The following ZFYVE16 variants were observed in gnomAD, a reference collection of about 807,000 sequenced individuals.
ZFYVE16 encodes the protein zinc finger FYVE domain-containing protein 16.
A neutral mutation model predicts 138.1 loss-of-function variants in ZFYVE16; 89 were observed. That is an observed-to-expected ratio of 0.64 (90% confidence interval 0.54 to 0.77). ZFYVE16 has a LOEUF of 0.77. ZFYVE16 is among the 30% of genes least tolerant of loss of function. The probability of loss-of-function intolerance (pLI) is 0.00; values close to 1 mark genes in which losing one functional copy is unlikely to be tolerated. For missense variants in ZFYVE16, 1,793 were observed against 1,786.7 expected, an observed-to-expected ratio of 1.00 and a Z score of -0.06; for synonymous variants, 596 against 618.3, an observed-to-expected ratio of 0.96 and a Z score of 0.53.
chr5:80,425,335 T>C (rs1245228697), intron 1 of ZFYVE16, among the ~76,000 whole-genome samples: 6 of 152,212 alleles, frequency 3.9e-5, no homozygotes, highest in Non-Finnish European at 4.4e-5. Context: ...AAGTATCTCT[T>C]ATTTATTTAT....
chr5:80,470,204 C>G (rs1754229191), intron 15 of ZFYVE16, among the ~76,000 whole-genome samples: 1 of 150,052 alleles, frequency 6.7e-6, no homozygotes, highest in Admixed American at 6.7e-5. Context: ...TGGGTTCACG[C>G]CATTCTCCTG....
intron 14 of ZFYVE16, among the ~76,000 whole-genome samples, chr5:80,458,747 G>A (rs552027505): frequency 1.3e-5 from 2 of 152,242 alleles, no homozygotes; most frequent in South Asian, 4.1e-4. Flanking sequence ...GAATTGGTGT[G>A]TCATAGGATA....
intron 5 of ZFYVE16, 136 bp downstream of exon 5, chr5:80,440,168 C>T: frequency 7.8e-7 from 1 of 1,285,058 alleles, no homozygotes; most frequent in Non-Finnish European, 9.9e-7. Context: ...GGTGGGACAT[C>T]CCAAGGCTTG....
At chr5:80,471,633 G>A (rs560962834) in intron 15 of ZFYVE16, among the ~76,000 whole-genome samples, 1 of 152,284 alleles carries the variant, frequency 6.6e-6, no homozygotes, top group East Asian at 1.9e-4. Context: ...ACTATCTTTT[G>A]TGTGTCTATT....
chr5:80,439,031 T>G (rs1327984974), intron 4 of ZFYVE16, 24 bp downstream of exon 4: 1 of 1,571,374 alleles, frequency 6.4e-7, no homozygotes, highest in Non-Finnish European at 8.6e-7. Context: ...ATCTTTTAAG[T>G]CTTTTGTTCT....
In ZFYVE16 at chr5:80,426,253, T is replaced by C. The variant is rs1194811060; in HGVS notation, c.-93-1239T>C. Among the ~76,000 whole-genome samples, 4 of 52,860 alleles carry C rather than the reference T, an allele frequency of 7.6e-5. No individual in the cohort carries two copies. The Admixed American group carries it at 1.3e-3, about 17-fold the overall frequency. 34.7% of individuals were successfully genotyped at this position (52,860 alleles called of 152,430 possible). A position where few individuals can be genotyped will look rare whatever the true frequency, so the allele number is the denominator to read the frequency against. On this transcript the variant is annotated intron_variant, in intron 1 of 18. Coordinates refer to ENST00000505560, the MANE Select transcript of ZFYVE16 (RefSeq NM_001284236.3). ...GTATGTGTGTGTGTCTGTGTGTGTG[T>C]GTGTGTGTGTGTGTGTGTGTATATA...
Position 80,438,931 on chromosome 5 carries a change from A to G in ZFYVE16, c.2246A>G (p.Glu749Gly). 1 of 1,614,098 alleles carries G rather than the reference A, an allele frequency of 6.2e-7. No individual in the cohort carries two copies. Among genetic ancestry groups the G allele is most frequent in the Non-Finnish European group, 8.5e-7 (1 of 1,179,954 alleles). Residue 749 changes from glutamate to glycine, a missense_variant, in exon 4 of 19, where the codon GAA becomes GGA. Physicochemically the swap from Glu to Gly is moderately conservative, Grantham distance 98. Around this residue, in one of 2 missense-constraint regions of ZFYVE16, gnomAD observed 1,295 missense variants for 1,204.3 expected, o/e 1.08. Coordinates refer to ENST00000505560, the MANE Select transcript of ZFYVE16 (RefSeq NM_001284236.3). ...CAGCCTACTTGGGTTCCTGATTCAGAAGCTCCAAACTGTATGAACTGCCAA... is the reference window on the plus strand; with the variant it reads ...CAGCCTACTTGGGTTCCTGATTCAGGAGCTCCAAACTGTATGAACTGCCAA... ...QKQPTWVPDS[E>G]APNCMNCQVK...
chr5:80,454,374 C>CT (rs1468167450), intron 11 of ZFYVE16: 1 of 152,216 alleles, frequency 6.6e-6, no homozygotes, highest in Non-Finnish European at 1.5e-5. Context: ...GTGCCTGCTG[C>CT]GTTACCAGTA....
intron 1 of ZFYVE16, among the ~76,000 whole-genome samples, chr5:80,426,652 G>A (rs575922572): frequency 6.6e-6 from 1 of 152,230 alleles, no homozygotes; most frequent in Admixed American, 6.5e-5. Context: ...TGACCACATA[G>A]TATTCTATGG....
In ZFYVE16 at chr5:80,474,474, C is replaced by T. The variant is rs187700524; in HGVS notation, c.4294-189C>T. On this transcript the variant is annotated intron_variant, in intron 17 of 18. Coordinates refer to ENST00000505560, the MANE Select transcript of ZFYVE16 (RefSeq NM_001284236.3). The stretch of plus-strand genomic sequence containing the variant: ...TTAGGCAAAAATTGCTGAGACATTT[C>T]CATATTTACCATAACTTTTTGTTTT... Among the ~76,000 whole-genome samples, 628 of 152,250 alleles carry T rather than the reference C, an allele frequency of 4.1e-3. 4 individuals are homozygous for T. The highest frequency in any genetic ancestry group is 0.01 in the Middle Eastern group (3 of 292).
chr5:80,443,357 C>T lies in ZFYVE16; in HGVS notation c.2581+73C>T, dbSNP rs1750932628. The stretch of plus-strand genomic sequence containing the variant: ...AGAAATTCTCTAATGTAGCCAGAGT[C>T]TAGTCAGGAAAGAGAAACCAGACTA... On this transcript the variant is annotated intron_variant, in intron 6 of 18. Transcript: ENST00000505560. 2.0e-6 allele frequency: 3 copies of T among 1,512,868 alleles called. No homozygotes were observed. In the South Asian group the frequency reaches 3.8e-5, roughly 19 times the overall value. 93.7% of individuals were successfully genotyped at this position (1,512,868 alleles called of 1,614,324 possible). A position where few individuals can be genotyped will look rare whatever the true frequency, so the allele number is the denominator to read the frequency against.
chr5:80,437,649 G>A lies in ZFYVE16; in HGVS notation c.964G>A (p.Glu322Lys), dbSNP rs980160946. Reference protein sequence around the residue: ...LCLNDSNSRDENFKLPDFSFQ... With the variant: ...LCLNDSNSRDKNFKLPDFSFQ... ...CTTAAATGATTCAAATTCAAGAGAT[G>A]AAAATTTCAAATTACCTGACTTTTC... Residue 322 changes from glutamate (E) to lysine (K), a missense_variant, in exon 4 of 19, where the codon GAA becomes AAA. Coordinates refer to ENST00000505560, the MANE Select transcript of ZFYVE16 (RefSeq NM_001284236.3). 6.2e-7 allele frequency: 1 copy of A among 1,611,800 alleles called. No homozygotes were observed. The highest frequency in any genetic ancestry group is 1.1e-5 in the South Asian group (1 of 90,846).
At chr5:80,445,456 A>G (rs766233382) in intron 7 of ZFYVE16, 51 bp downstream of exon 7, 2 of 1,527,802 alleles carry the variant, frequency 1.3e-6, no homozygotes, top group Admixed American at 3.8e-5. Flanking sequence ...TTTATTTCGT[A>G]GATAATTCCT....
rs1561270756 is a variant in ZFYVE16, at chr5:80,437,228, T to G, written c.543T>G (p.Asp181Glu). The stretch of plus-strand genomic sequence containing the variant: ...CCTGTGTTTCTTCAACAGACCATGA[T>G]AGTGATACTGTCAGAGAACAACAGA... ...DTPCVSSTDH[D>E]SDTVREQQND... Residue 181 changes from aspartate (D) to glutamate (E), a missense_variant, in exon 4 of 19, where the codon GAT becomes GAG. Physicochemically the swap from Asp to Glu is conservative, Grantham distance 45. Coordinates refer to ENST00000505560, the MANE Select transcript of ZFYVE16 (RefSeq NM_001284236.3). 1 of 1,613,764 alleles carries G rather than the reference T, an allele frequency of 6.2e-7. No homozygotes were observed. The highest frequency in any genetic ancestry group is 1.1e-5 in the South Asian group (1 of 91,078).
rs1751872433 is a variant in ZFYVE16, at chr5:80,450,517, C to T, written c.3313C>T (p.Pro1105Ser). ...AEIIILLLCL[P>S]NEDTIPKDIF... ...AATTATTATTCTATTGTTATGTTTG[C>T]CAAATGAAGATACTATTCCTAAGGA... The change falls in exon 10 of 19, where the codon CCA becomes TCA. Residue 1105 changes from proline (P) to serine (S), a missense_variant. This residue lies in a region of ZFYVE16 where 498 missense variants were observed against 582.4 expected (regional missense o/e 0.86). Transcript: ENST00000505560. 2 of 1,613,316 alleles carry T rather than the reference C, an allele frequency of 1.2e-6. No individual in the cohort carries two copies. The highest frequency in any genetic ancestry group is 1.7e-6 in the Non-Finnish European group (2 of 1,179,574).
At chr5:80,477,121 C>T (rs1307827851) in intron 18 of ZFYVE16, 98 bp from the exon 19 acceptor site, 14 of 1,014,290 alleles carry the variant, frequency 1.4e-5, no homozygotes, top group African/African-American at 1.7e-5. Flanking sequence ...ATTTAACATG[C>T]TTGAACTGTA....
chr5:80,430,647 G>A (rs1748863041), intron 2 of ZFYVE16, among the ~76,000 whole-genome samples: 1 of 152,212 alleles, frequency 6.6e-6, no homozygotes, highest in East Asian at 1.9e-4. Context: ...AATGAATCCA[G>A]GAGCTGGTTT....
At chr5:80,420,301 A>AT (rs1205448695) in intron 1 of ZFYVE16, among the ~76,000 whole-genome samples, 3 of 151,526 alleles carry the variant, frequency 2.0e-5, no homozygotes, top group Non-Finnish European at 4.4e-5. Flanking sequence ...ATTTATTATT[A>AT]TTTTTTATTA....
chr5:80,466,701 C>A (rs1005899471), intron 15 of ZFYVE16, among the ~76,000 whole-genome samples: 1 of 152,106 alleles, frequency 6.6e-6, no homozygotes, highest in African/African-American at 2.4e-5. Flanking sequence ...AACTGAGATA[C>A]TGTGGAGGAT....
Sources: allele counts gnomAD v4.1 joint callset (sites outside exome capture counted in the v4.1 genomes callset), GRCh38; gene constraint gnomAD v4.1.1; regional missense constraint gnomAD v4.1.1; transcripts MANE v1.5; gene names NCBI Gene and HGNC (gene_info 2026-07-23, HGNC 2026-07-21).